PDK3: variants seen among roughly 807,000 people sequenced by gnomAD.
PDK3 encodes pyruvate dehydrogenase kinase, isozyme 3.
Under a neutral mutation model 32.0 loss-of-function variants are expected in PDK3, and 12 were observed. The ratio of observed to expected loss-of-function variants is 0.37; its 90% CI spans 0.24 to 0.61. The LOEUF (loss-of-function observed/expected upper bound fraction) is 0.61. Ranked by LOEUF, PDK3 falls within the 20% of genes least tolerant of loss-of-function variation. The probability of loss-of-function intolerance (pLI) is 0.65; values close to 1 mark genes in which losing one functional copy is unlikely to be tolerated. For synonymous variants in PDK3, 122 were observed against 116.3 expected, an observed-to-expected ratio of 1.05 and a Z score of -0.31; for missense variants, 188 against 316.9, an observed-to-expected ratio of 0.59 and a Z score of 3.09.
downstream of PDK3, among the ~76,000 whole-genome samples, chrX:24,537,074 A>G (rs1044252582): frequency 9.2e-6 from 1 of 108,227 alleles, no homozygotes; most frequent in African/African-American, 3.4e-5. Flanking sequence ...CCTGTGTCCT[A>G]GAATCAACTG....
chrX:24,494,705 A>T lies in PDK3; in HGVS notation c.107-37A>T, dbSNP rs1233362776. On this transcript the variant is annotated intron_variant, in intron 1 of 10. Coordinates refer to ENST00000379162, the MANE Select transcript of PDK3 (RefSeq NM_005391.5). Reference sequence around the variant, plus strand: ...AGCACTTTATTTCTCCATCTGTTAGACTATAAAATCATGGAACATTTTTCA... The same window carrying T: ...AGCACTTTATTTCTCCATCTGTTAGTCTATAAAATCATGGAACATTTTTCA... The T allele has an allele frequency of 2.8e-6, 3 of 1,083,789 alleles. No homozygotes were observed. In the East Asian group the frequency reaches 9.3e-5, roughly 34 times the overall value. The allele number at this position is 1,083,789 out of a possible 1,213,427, so 89.3% of individuals were successfully genotyped here.
At chrX:24,531,127 G>A (rs113882048) in intron 9 of PDK3, among the ~76,000 whole-genome samples, 13,371 of 108,833 alleles carry the variant, frequency 0.12, 945 homozygotes, top group African/African-American at 0.26. Flanking sequence ...GTGCAGTGGC[G>A]CCATCTCAGC....
In PDK3 at chrX:24,474,383, TTTTATTTATTTATTTA is replaced by T. The variant is rs57520211; in HGVS notation, c.106+8854_106+8869del. Among the ~76,000 whole-genome samples, 276 of 96,804 alleles carry T rather than the reference TTTTATTTATTTATTTA, an allele frequency of 2.9e-3. 2 individuals are homozygous for T. Among genetic ancestry groups the T allele is most frequent in the African/African-American group, 9.4e-3 (246 of 26,164 alleles). The allele number at this position is 96,804 out of a possible 115,157, so 84.1% of individuals were successfully genotyped here. ...TCATTTAGTCAGTTATATAAGTTTATTTTATTTATTTATTTATTTATTTATTTATTTATTTATTTAT... is the reference window on the plus strand; with the variant it reads ...TCATTTAGTCAGTTATATAAGTTTATTTTATTTATTTATTTATTTATTTAT... On this transcript the variant is annotated intron_variant, in intron 1 of 10. Coordinates refer to ENST00000379162, the MANE Select transcript of PDK3 (RefSeq NM_005391.5).
chrX:24,479,755 A>G (rs889484773), intron 1 of PDK3, among the ~76,000 whole-genome samples: 3 of 110,626 alleles, frequency 2.7e-5, no homozygotes, highest in Non-Finnish European at 5.7e-5. Flanking sequence ...ACTGCACTCC[A>G]GCTTGGGCGA....
rs1921955256 is a variant in PDK3 at position 24,505,315 on chromosome X, A to G, written c.595+17A>G. The G allele has an allele frequency of 4.5e-6, 5 of 1,117,990 alleles. No individual in the cohort carries two copies. Among genetic ancestry groups the G allele is most frequent in the Non-Finnish European group, 6.1e-6 (5 of 813,670 alleles). The allele number at this position is 1,117,990 out of a possible 1,213,427, so 92.1% of individuals were successfully genotyped here. On this transcript the variant is annotated intron_variant, in intron 5 of 10. Coordinates refer to ENST00000379162, the MANE Select transcript of PDK3 (RefSeq NM_005391.5). ...TGGTGAAAGGTAAGGAGACCGTTGT[A>G]ATGGTATCGATCGTAGTTCAAATTG...
downstream of PDK3, among the ~76,000 whole-genome samples, chrX:24,538,281 A>G (rs1011555941): frequency 3.6e-5 from 4 of 112,442 alleles, no homozygotes; most frequent in Admixed American, 9.5e-5. Flanking sequence ...CAGTTCTTAA[A>G]ATTTTAAAAT....
intron 5 of PDK3, among the ~76,000 whole-genome samples, chrX:24,513,047 C>CT (rs1922163975): frequency 8.9e-6 from 1 of 111,956 alleles, no homozygotes; most frequent in South Asian, 3.8e-4. Context: ...CTCAGCTTAT[C>CT]TTTTTTTGCC....
intron 7 of PDK3, among the ~76,000 whole-genome samples, chrX:24,526,483 A>T (rs1922526281): frequency 8.9e-6 from 1 of 112,424 alleles, no homozygotes; most frequent in Non-Finnish European, 1.9e-5. Flanking sequence ...ATATTAGTAC[A>T]TATTGATTTT....
At chrX:24,541,564 A>G (rs946052678) in exon 12 of PDK3, among the ~76,000 whole-genome samples, 2 of 112,546 alleles carry the variant, frequency 1.8e-5, no homozygotes, top group Non-Finnish European at 1.9e-5. Flanking sequence ...ACTCACATCC[A>G]TCTGACCCCA....
At chrX:24,544,206 C>T (rs746304992) in exon 12 of PDK3, among the ~76,000 whole-genome samples, 1 of 111,218 alleles carries the variant, frequency 9.0e-6, no homozygotes, top group South Asian at 3.8e-4. Context: ...TCTGTGAGTG[C>T]CTTCCATAGA....
intron 10 of PDK3, among the ~76,000 whole-genome samples, chrX:24,533,437 C>CT (rs1922702488): frequency 8.9e-6 from 1 of 112,129 alleles, no homozygotes; most frequent in Admixed American, 9.5e-5. Flanking sequence ...TGTGCCCGGC[C>CT]TGTTCCCAGG....
chrX:24,525,183 TA>T (rs1440545911), intron 6 of PDK3, among the ~76,000 whole-genome samples: 2 of 111,140 alleles, frequency 1.8e-5, no homozygotes, highest in Non-Finnish European at 3.8e-5. Context: ...AAAATAAAAA[TA>T]ATTGCTCTTT....
Position 24,518,936 on chromosome X carries a change from C to T in PDK3, c.599C>T (p.Ala200Val). 8.4e-7 allele frequency: 1 copy of T among 1,184,179 alleles called. No homozygotes were observed. Residue 200 changes from alanine (A) to valine (V), a missense_variant, in exon 6 of 11, where the codon GCA becomes GTA. Ala to Val is a moderately conservative substitution (Grantham distance 64). Coordinates refer to ENST00000379162, the MANE Select transcript of PDK3 (RefSeq NM_005391.5). ...TCNVADVVKD[A>V]YETAKMLCEQ... The stretch of plus-strand genomic sequence containing the variant: ...AAACTTTTTCCTTTTCTTGCAGATG[C>T]ATATGAAACAGCCAAGATGCTGTGT...
chrX:24,536,606 G>A (rs778797541), downstream of PDK3, among the ~76,000 whole-genome samples: 3 of 111,674 alleles, frequency 2.7e-5, no homozygotes, highest in Non-Finnish European at 3.8e-5. Context: ...GTCTTTTTTA[G>A]TGTTATAGTA....
At chrX:24,481,573 G>A (rs976566250) in intron 1 of PDK3, among the ~76,000 whole-genome samples, 1 of 111,668 alleles carries the variant, frequency 9.0e-6, no homozygotes, top group African/African-American at 3.3e-5. Context: ...AGTGTTGGTG[G>A]TGGGGCCTGG....
chrX:24,536,907 A>G (rs957893094), downstream of PDK3, among the ~76,000 whole-genome samples: 1 of 111,076 alleles, frequency 9.0e-6, no homozygotes, highest in African/African-American at 3.3e-5. Context: ...ATTGCATGTA[A>G]CAGTCATTTT....
intron 5 of PDK3, among the ~76,000 whole-genome samples, chrX:24,512,334 C>T (rs1274085128): frequency 8.9e-6 from 1 of 112,216 alleles, no homozygotes; most frequent in Non-Finnish European, 1.9e-5. Flanking sequence ...GTTGTTCTTA[C>T]ATGCTATTAC....
chrX:24,501,423 A>G (rs1921853388), intron 3 of PDK3, among the ~76,000 whole-genome samples: 1 of 112,950 alleles, frequency 8.9e-6, no homozygotes, highest in Non-Finnish European at 1.9e-5. Flanking sequence ...GCTTTTAAAT[A>G]CATCTGTTGG....
intron 6 of PDK3, among the ~76,000 whole-genome samples, chrX:24,519,649 C>T (rs1339247602): frequency 9.0e-6 from 1 of 111,190 alleles, no homozygotes; most frequent in African/African-American, 3.3e-5. Context: ...GGATTACAGG[C>T]GTGAGCCACC....
Sources: gnomAD v4.1 joint callset for allele counts (sites outside exome capture counted in the v4.1 genomes callset) on GRCh38, gnomAD v4.1.1 for gene constraint, MANE v1.5 for transcripts, NCBI Gene and HGNC (gene_info 2026-07-23, HGNC 2026-07-21) for gene names.